Variants in MTCL1 observed in about 807,000 individuals in gnomAD.
MTCL1 encodes microtubule cross-linking factor 1.
MTCL1 carries 79 observed loss-of-function variants against 141.4 expected under a neutral mutation model. The ratio of observed to expected loss-of-function variants is 0.56; its 90% CI spans 0.47 to 0.67. The LOEUF (loss-of-function observed/expected upper bound fraction) is 0.67. MTCL1 is among the 30% of genes least tolerant of loss of function. MTCL1 has a pLI of 0.00. For missense variants in MTCL1, 2,177 were observed against 2,113.9 expected (o/e 1.03, Z -0.59); for synonymous variants, 914 against 875.8 (o/e 1.04, Z -0.77).
At chr18:8,811,791 A>G (rs1316319801) in intron 11 of MTCL1, among the ~76,000 whole-genome samples, 3 of 152,234 alleles carry the variant, frequency 2.0e-5, no homozygotes, top group African/African-American at 7.2e-5. Flanking sequence ...AAATGAGGCA[A>G]TCTATGTGAA....
chr18:8,782,360 G>A (rs544632991), intron 5 of MTCL1: 3 of 152,338 alleles, frequency 2.0e-5, no homozygotes, highest in East Asian at 1.9e-4. Context: ...TTTGATGGCC[G>A]ATCAAAGAGG....
intron 3 of MTCL1, 184 bp from the exon 3 acceptor site, chr18:8,720,154 T>C (rs1237858694): frequency 1.7e-6 from 1 of 587,856 alleles, no homozygotes; most frequent in Admixed American, 3.4e-5. Context: ...TTAGCCCAGA[T>C]GTTGATTTCA....
chr18:8,794,937 A>G (rs1478831356), intron 8 of MTCL1, among the ~76,000 whole-genome samples: 5 of 152,132 alleles, frequency 3.3e-5, no homozygotes, highest in African/African-American at 9.7e-5. Flanking sequence ...TGTTAAATAC[A>G]CTTCCCCCAC....
chr18:8,820,237 G>A (rs2076798046), intron 13 of MTCL1, among the ~76,000 whole-genome samples: 1 of 152,018 alleles, frequency 6.6e-6, no homozygotes, highest in Admixed American at 6.6e-5. Flanking sequence ...GTGAAACCCT[G>A]TCTCTACTAA....
At chr18:8,751,943 T>G (rs2148957376) in intron 4 of MTCL1, among the ~76,000 whole-genome samples, 1 of 152,336 alleles carries the variant, frequency 6.6e-6, no homozygotes, top group South Asian at 2.1e-4. Context: ...CAGACTGCAC[T>G]TTCACTTGAA....
intron 4 of MTCL1, among the ~76,000 whole-genome samples, chr18:8,738,036 T>A (rs1439739774): frequency 6.6e-6 from 1 of 152,216 alleles, no homozygotes; most frequent in Non-Finnish European, 1.5e-5. Flanking sequence ...AACAGTTTAG[T>A]CAATAATTTC....
intron 4 of MTCL1, among the ~76,000 whole-genome samples, chr18:8,753,612 G>A (rs1012953069): frequency 1.3e-5 from 2 of 152,214 alleles, no homozygotes; most frequent in African/African-American, 2.4e-5. Flanking sequence ...AGCCCCTGAT[G>A]TGAGCTGTGG....
chr18:8,790,567 G>A (rs28663487), intron 7 of MTCL1, among the ~76,000 whole-genome samples: 1,833 of 152,340 alleles, frequency 0.012, 38 homozygotes, highest in African/African-American at 0.042. Context: ...GTTTACTGCT[G>A]TATCCCCCAC....
At chr18:8,725,308 T>A (rs1028047163) in intron 4 of MTCL1, among the ~76,000 whole-genome samples, 6 of 152,152 alleles carry the variant, frequency 3.9e-5, no homozygotes, top group Non-Finnish European at 7.3e-5. Context: ...TGACATAGAT[T>A]CCCTGGGTTT....
At chr18:8,720,381 C>T (rs1343802387) in exon 4 of MTCL1, 11 of 1,613,906 alleles carry the variant, frequency 6.8e-6, no homozygotes, top group South Asian at 4.4e-5. Context: ...GAACTTAAGA[C>T]GGTGGAGGAA....
intron 16 of MTCL1, chr18:8,829,927 AAG>A: frequency 1.0e-6 from 1 of 985,280 alleles, no homozygotes; most frequent in Non-Finnish European, 1.2e-6. Flanking sequence ...GAGGCTGGCA[AAG>A]AGGGGGTACT....
At chr18:8,724,665 C>G (rs141822568) in intron 4 of MTCL1, among the ~76,000 whole-genome samples, 6 of 152,242 alleles carry the variant, frequency 3.9e-5, no homozygotes, top group East Asian at 1.9e-4. Context: ...CCTATTACCC[C>G]CTAACCCATC....
chr18:8,711,033 T>C (rs905489861), intron 1 of MTCL1, among the ~76,000 whole-genome samples: 1 of 151,914 alleles, frequency 6.6e-6, no homozygotes, highest in African/African-American at 2.4e-5. Context: ...ATGCTATCCC[T>C]CCCCACTCCC....
chr18:8,829,387 G>A (rs2077125880), intron 16 of MTCL1: 1 of 985,326 alleles, frequency 1.0e-6, no homozygotes, highest in African/African-American at 1.7e-5. Context: ...AATGAGGTGT[G>A]ACCCTAATGT....
intron 7 of MTCL1, chr18:8,789,712 C>T: frequency 1.0e-6 from 1 of 985,264 alleles, no homozygotes; most frequent in South Asian, 4.7e-5. Context: ...GATGTATAAT[C>T]AGAATCCTAG....
intron 4 of MTCL1, among the ~76,000 whole-genome samples, chr18:8,746,143 T>A (rs912095421): frequency 6.6e-6 from 1 of 152,254 alleles, no homozygotes; most frequent in Non-Finnish European, 1.5e-5. Flanking sequence ...TATCCATCAA[T>A]AAACACTTAG....
chr18:8,781,356 A>C lies in MTCL1; in HGVS notation c.418-2174A>C, dbSNP rs149853582. Among the ~76,000 whole-genome samples, 617 of 152,276 alleles carry C rather than the reference A, an allele frequency of 4.1e-3. 5 individuals are homozygous for C. The highest frequency in any genetic ancestry group is 0.014 in the African/African-American group (601 of 41,546). Reference sequence around the variant, plus strand: ...GATGATAGCATAGCCCATTTGCCTCAGTAGTTGTGAGTAGGGCAGACAGCC... The same window carrying C: ...GATGATAGCATAGCCCATTTGCCTCCGTAGTTGTGAGTAGGGCAGACAGCC... On this transcript the variant is annotated intron_variant, in intron 5 of 16. Coordinates refer to ENST00000359865, the Ensembl canonical transcript of MTCL1.
chr18:8,825,924 T>C, exon 15 of MTCL1: 2 of 1,608,778 alleles, frequency 1.2e-6, no homozygotes, highest in Non-Finnish European at 1.7e-6. Context: ...TCGGTCTCGC[T>C]CAGCAGAGCC....
chr18:8,783,566 G>A, exon 6 of MTCL1: 1 of 1,608,460 alleles, frequency 6.2e-7, no homozygotes, highest in Non-Finnish European at 8.5e-7. Flanking sequence ...GCTCCAGTTT[G>A]CCAAAGAGGA....
Sources: gnomAD v4.1 joint callset for allele counts (sites outside exome capture counted in the v4.1 genomes callset) on GRCh38, gnomAD v4.1.1 for gene constraint, MANE v1.5 for transcripts, NCBI Gene and HGNC (gene_info 2026-07-23, HGNC 2026-07-21) for gene names.